Variants in CSMD2 observed in about 807,000 individuals in gnomAD.
CSMD2 encodes CUB and Sushi multiple domains 2.
Under a neutral mutation model 398.5 loss-of-function variants are expected in CSMD2, and 130 were observed. That is an observed-to-expected ratio of 0.33 (90% CI 0.28 to 0.38). CSMD2 has a LOEUF of 0.38. CSMD2 is among the 10% of genes least tolerant of loss of function. The pLI, the probability that CSMD2 is intolerant of heterozygous loss-of-function variation, is 1.00. For synonymous variants in CSMD2, 1,828 were observed against 1,908.5 expected, an observed-to-expected ratio of 0.96 and a Z score of 1.10; for missense variants, 3,829 against 4,764.9, an observed-to-expected ratio of 0.80 and a Z score of 5.78.
intron 5 of CSMD2, among the ~76,000 whole-genome samples, chr1:33,847,477 G>A (rs1278805279): frequency 6.6e-6 from 1 of 151,862 alleles, no homozygotes; most frequent in Non-Finnish European, 1.5e-5. Context: ...TCACCAGTGT[G>A]ACCTTGGACC....
At chr1:33,558,640 G>A (rs1557534249) in intron 54 of CSMD2, among the ~76,000 whole-genome samples, 2 of 152,110 alleles carry the variant, frequency 1.3e-5, no homozygotes, top group Non-Finnish European at 2.9e-5. Context: ...TTTTGATGAG[G>A]CTCTCTGAGG....
intron 2 of CSMD2, among the ~76,000 whole-genome samples, chr1:34,086,118 A>G (rs2148355545): frequency 6.6e-6 from 1 of 152,344 alleles, no homozygotes; most frequent in South Asian, 2.1e-4. Flanking sequence ...ACAAGCTTAA[A>G]TAACTCCAGC....
chr1:33,540,580 C>G lies in CSMD2; in HGVS notation c.9576G>C (p.Ala3192=), dbSNP rs1532308. 3 of 1,614,178 alleles carry G rather than the reference C, an allele frequency of 1.9e-6. No individual in the cohort carries two copies. Among genetic ancestry groups the G allele is most frequent in the South Asian group, 2.2e-5 (2 of 91,080 alleles). ...CLEGYQLSLP[A]VFTCEGNGSW... ...ACCCATTTCCCTCACAGGTGAACAC[C>G]GCGGGCAGGGAGAGCTGGTACCCCT... Residue 3192 remains alanine (A), a synonymous_variant, in exon 60 of 71, where the codon GCG becomes GCC. Coordinates refer to ENST00000373381, the MANE Select transcript of CSMD2 (RefSeq NM_001281956.2).
At chr1:33,770,049 A>G (rs558253206) in intron 13 of CSMD2, among the ~76,000 whole-genome samples, 7 of 152,330 alleles carry the variant, frequency 4.6e-5, no homozygotes, top group African/African-American at 1.7e-4. Flanking sequence ...GCAGAACTCC[A>G]AAGTTTAACA....
At chr1:33,884,457 C>A (rs1011712679) in intron 5 of CSMD2, 1 of 152,446 alleles carries the variant, frequency 6.6e-6, no homozygotes, top group Non-Finnish European at 1.5e-5. Context: ...CTTATTCCTC[C>A]TCCCGCTTTG....
At chr1:33,800,029 C>T (rs1406800047) in intron 10 of CSMD2, among the ~76,000 whole-genome samples, 1 of 152,194 alleles carries the variant, frequency 6.6e-6, no homozygotes, top group Non-Finnish European at 1.5e-5. Flanking sequence ...AAGGCCTGCC[C>T]CTGCCACTTC....
intron 33 of CSMD2, among the ~76,000 whole-genome samples, chr1:33,625,485 C>T (rs1288908666): frequency 6.6e-6 from 1 of 152,160 alleles, no homozygotes; most frequent in Non-Finnish European, 1.5e-5. Flanking sequence ...GAGGTAGAGC[C>T]GTGGACCTCC....
chr1:33,781,721 G>A (rs1652791425), intron 12 of CSMD2, among the ~76,000 whole-genome samples: 1 of 152,184 alleles, frequency 6.6e-6, no homozygotes, highest in Non-Finnish European at 1.5e-5. Context: ...CAAGTTGTAT[G>A]TAATTTTATA....
chr1:33,599,509 A>G (rs1047106415), intron 44 of CSMD2: 1 of 152,228 alleles, frequency 6.6e-6, no homozygotes, highest in Non-Finnish European at 1.5e-5. Flanking sequence ...TATTTTGTGC[A>G]TAATAACATT....
intron 5 of CSMD2, among the ~76,000 whole-genome samples, chr1:33,851,525 T>TC (rs1337915617): frequency 2.0e-5 from 3 of 152,122 alleles, no homozygotes; most frequent in Non-Finnish European, 4.4e-5. Flanking sequence ...TTCCCACCTG[T>TC]CACCTGCTTT....
chr1:34,152,471 T>C (rs10914878), intron 1 of CSMD2, among the ~76,000 whole-genome samples: 38,251 of 152,006 alleles, frequency 0.25, 5,491 homozygotes, highest in South Asian at 0.39. Context: ...CTTCTCCAAA[T>C]CCTCCAGCCT....
chr1:34,157,121 G>C (rs1419097087), intron 1 of CSMD2, among the ~76,000 whole-genome samples: 1 of 152,094 alleles, frequency 6.6e-6, no homozygotes, highest in Non-Finnish European at 1.5e-5. Context: ...GGACTCCCAG[G>C]GTCTCCCTGA....
Position 33,725,523 on chromosome 1 carries a change from C to T in CSMD2, c.2521G>A (p.Val841Ile). Residue 841 changes from valine to isoleucine, a missense_variant, in exon 17 of 71, where the codon GTC becomes ATC. Val to Ile is a conservative substitution (Grantham distance 29, BLOSUM62 3). Coordinates refer to ENST00000373381, the MANE Select transcript of CSMD2 (RefSeq NM_001281956.2). ...KITFDRFKTE[V>I]NYDTLEVRDG... ...CGTACTTCCAGGGTGTCATAGTTGA[C>T]CTCGGTTTTGAATCTGCCAAATGAC... The T allele has an allele frequency of 6.2e-7, 1 of 1,614,174 alleles. No individual in the cohort carries two copies. The highest frequency in any genetic ancestry group is 8.5e-7 in the Non-Finnish European group (1 of 1,180,026).
intron 5 of CSMD2, among the ~76,000 whole-genome samples, chr1:33,895,281 T>C (rs1642305357): frequency 6.6e-6 from 1 of 152,124 alleles, no homozygotes; most frequent in Non-Finnish European, 1.5e-5. Flanking sequence ...ACATCTGACC[T>C]TAGAGCCCTC....
In CSMD2 at chr1:33,716,486, A is replaced by G. The variant is rs758935612; in HGVS notation, c.3017T>C (p.Phe1006Ser). ...GCCACTTTCCAGGTGGAAGGTGTGG[A>G]AAGTGAAGAACACACCTGCCAAGAG... ...TSHGKGVFFTFHTFHLESGHD... is the reference protein window; with the variant it reads ...TSHGKGVFFTSHTFHLESGHD... Residue 1006 changes from phenylalanine to serine, a missense_variant, in exon 20 of 71, where the codon TTC becomes TCC. Physicochemically the swap from Phe to Ser is radical, Grantham distance 155. This residue lies in a region of CSMD2 where 2,001 missense variants were observed against 2,567.1 expected (regional missense o/e 0.78). Transcript: ENST00000373381. 5 of 1,613,068 alleles carry G rather than the reference A, an allele frequency of 3.1e-6. No homozygotes were observed. The highest frequency in any genetic ancestry group is 4.2e-6 in the Non-Finnish European group (5 of 1,179,760).
intron 19 of CSMD2, among the ~76,000 whole-genome samples, chr1:33,719,012 T>G (rs1010789569): frequency 6.6e-6 from 1 of 152,072 alleles, no homozygotes; most frequent in Non-Finnish European, 1.5e-5. Flanking sequence ...CTGAGAAAGA[T>G]CTCCCAGTTT....
chr1:33,593,086 C>T (rs770616732), intron 44 of CSMD2, among the ~76,000 whole-genome samples: 4 of 152,158 alleles, frequency 2.6e-5, no homozygotes, highest in African/African-American at 7.2e-5. Context: ...TCTGTACTAA[C>T]GTTATTAATA....
intron 10 of CSMD2, among the ~76,000 whole-genome samples, chr1:33,804,545 C>G (rs1655994121): frequency 6.6e-6 from 1 of 151,626 alleles, no homozygotes; most frequent in Admixed American, 6.6e-5. Context: ...TCAGGACTTA[C>G]CTGCACTCTT....
At chr1:33,662,398 C>T (rs1644166097) in intron 26 of CSMD2, among the ~76,000 whole-genome samples, 1 of 152,144 alleles carries the variant, frequency 6.6e-6, no homozygotes, top group Admixed American at 6.5e-5. Context: ...TTCCAAAGCC[C>T]ACATTCCTGC....
Sources: gnomAD v4.1 joint callset for allele counts (sites outside exome capture counted in the v4.1 genomes callset) on GRCh38, gnomAD v4.1.1 for gene constraint, gnomAD v4.1.1 regional missense constraint, MANE v1.5 for transcripts, NCBI Gene and HGNC (gene_info 2026-07-23, HGNC 2026-07-21) for gene names.